The following KANK1 variants were observed in gnomAD, a reference collection of about 807,000 sequenced individuals.
KANK1 encodes KN motif and ankyrin repeat domains 1.
KANK1 carries 109 observed loss-of-function variants against 106.2 expected under a neutral mutation model. That is an observed-to-expected ratio of 1.03 (90% CI 0.88 to 1.20). The LOEUF (loss-of-function observed/expected upper bound fraction) is 1.20, where lower values mean the gene tolerates loss of function less well. Among genes scored for constraint, KANK1 ranks in the 50% most tolerant of loss-of-function variants. KANK1 has a pLI of 0.00. For missense variants in KANK1, 2,399 were observed against 1,710.7 expected (o/e 1.40, Z -7.10); for synonymous variants, 873 against 652.2 (o/e 1.34, Z -5.16).
At chr9:517,220 C>T (rs2059322903) in intron 1 of KANK1, among the ~76,000 whole-genome samples, 1 of 151,782 alleles carries the variant, frequency 6.6e-6, no homozygotes, top group African/African-American at 2.4e-5. Flanking sequence ...TCTCCTGCCT[C>T]AGCCTCCCAA....
chr9:507,588 C>G (rs2058822298), intron 1 of KANK1, among the ~76,000 whole-genome samples: 1 of 142,322 alleles, frequency 7.0e-6, no homozygotes, highest in African/African-American at 2.7e-5. Flanking sequence ...GATGGAGTCT[C>G]GATCTGTTGC....
At chr9:613,703 A>G (rs1831118441) in intron 1 of KANK1, among the ~76,000 whole-genome samples, 1 of 152,194 alleles carries the variant, frequency 6.6e-6, no homozygotes, top group South Asian at 2.1e-4. Flanking sequence ...TAAATTAAGT[A>G]GTATTTCAAA....
In KANK1 at chr9:684,404, A is replaced by G. The variant is rs187651284; in HGVS notation, c.37+7395A>G. Reference sequence around the variant, plus strand: ...CTTTATAGGTGCCAACAAGAAAGAAAGAAAAAAACACATACAAAATAAACA... The same window carrying G: ...CTTTATAGGTGCCAACAAGAAAGAAGGAAAAAAACACATACAAAATAAACA... On this transcript the variant is annotated intron_variant, in intron 2 of 11. Coordinates refer to ENST00000382297, the MANE Select transcript of KANK1 (RefSeq NM_015158.5). 8.2e-5 allele frequency: 81 copies of G among 985,416 alleles called. No homozygotes were observed. In the African/African-American group the frequency reaches 1.2e-3, roughly 14 times the overall value. 61.0% of individuals were successfully genotyped at this position (985,416 alleles called of 1,614,324 possible).
chr9:633,720 A>G (rs1314465530), intron 1 of KANK1, among the ~76,000 whole-genome samples: 1 of 152,168 alleles, frequency 6.6e-6, no homozygotes, highest in Non-Finnish European at 1.5e-5. Flanking sequence ...TGGCATGTTC[A>G]TAGCTCATTG....
chr9:581,839 C>T (rs565526379), intron 1 of KANK1, among the ~76,000 whole-genome samples: 2 of 152,250 alleles, frequency 1.3e-5, no homozygotes, highest in Admixed American at 6.5e-5. Flanking sequence ...GCTTTGTCAG[C>T]ATCCAGCCAT....
At chr9:582,124 C>T (rs1478336294) in intron 1 of KANK1, among the ~76,000 whole-genome samples, 3 of 152,202 alleles carry the variant, frequency 2.0e-5, no homozygotes, top group Non-Finnish European at 4.4e-5. Flanking sequence ...AGAGGCGCTG[C>T]TTCTCTGTGG....
At chr9:716,377 C>G (rs899053513) in intron 3 of KANK1, among the ~76,000 whole-genome samples, 46 of 152,168 alleles carry the variant, frequency 3.0e-4, no homozygotes, top group African/African-American at 1.1e-3. Flanking sequence ...AAATGTAGAT[C>G]TAGAACAAAT....
intron 1 of KANK1, among the ~76,000 whole-genome samples, chr9:588,796 C>T (rs554717252): frequency 4.6e-5 from 7 of 152,050 alleles, no homozygotes; most frequent in Admixed American, 1.3e-4. Context: ...TCAATTTCCC[C>T]GTAAGTAAAA....
At chr9:723,309 A>G (rs1353358232) in intron 3 of KANK1, among the ~76,000 whole-genome samples, 1 of 152,114 alleles carries the variant, frequency 6.6e-6, no homozygotes, top group African/African-American at 2.4e-5. Flanking sequence ...TGGTGAGAAA[A>G]ATTATAGCAC....
chr9:499,938 G>A (rs531255369), upstream of KANK1, among the ~76,000 whole-genome samples: 1 of 152,326 alleles, frequency 6.6e-6, no homozygotes, highest in Non-Finnish European at 1.5e-5. Context: ...TGAAGAAGTG[G>A]TGAAGAGGAT....
intron 1 of KANK1, among the ~76,000 whole-genome samples, chr9:517,030 C>T (rs1426247302): frequency 2.6e-5 from 4 of 151,012 alleles, no homozygotes; most frequent in East Asian, 3.9e-4. Flanking sequence ...CACACACATC[C>T]GTCTTGTGTT....
intron 10 of KANK1, among the ~76,000 whole-genome samples, chr9:742,610 C>G (rs1176047225): frequency 1.3e-5 from 2 of 152,124 alleles, no homozygotes; most frequent in East Asian, 3.8e-4. Flanking sequence ...AACTAGTACC[C>G]AAAGCAGAAT....
rs370153674 is a variant in KANK1 at position 745,142 on chromosome 9, C to T, written c.3997-31C>T. On this transcript the variant is annotated intron_variant, in intron 11 of 11. Coordinates refer to ENST00000382297, the MANE Select transcript of KANK1 (RefSeq NM_015158.5). Reference sequence around the variant, plus strand: ...ACATCTGCCTGAGGTCACTTATTAACCCCCAGTTTTTTTCCTTTCCTGGTC... The same window carrying T: ...ACATCTGCCTGAGGTCACTTATTAATCCCCAGTTTTTTTCCTTTCCTGGTC... 9.9e-6 allele frequency: 16 copies of T among 1,611,156 alleles called. No homozygotes were observed. In the African/African-American group the frequency reaches 1.9e-4, roughly 19 times the overall value.
At chr9:582,258 G>T (rs1223222903) in intron 1 of KANK1, among the ~76,000 whole-genome samples, 1 of 152,072 alleles carries the variant, frequency 6.6e-6, no homozygotes, top group Non-Finnish European at 1.5e-5. Flanking sequence ...GGCTTTACCT[G>T]CCCCAAATTG....
intron 1 of KANK1, among the ~76,000 whole-genome samples, chr9:589,634 C>T (rs145738934): frequency 1.6e-3 from 244 of 151,952 alleles, no homozygotes; most frequent in African/African-American, 5.3e-3. Flanking sequence ...TGAAGGAATG[C>T]GTCCCCTGAG....
At position 713,352 on chromosome 9, in the gene KANK1, C is replaced by G; in HGVS notation, c.2586C>G (p.Leu862=). 1 of 1,614,196 alleles carries G rather than the reference C, an allele frequency of 6.2e-7. No individual in the cohort carries two copies. The highest frequency in any genetic ancestry group is 8.5e-7 in the Non-Finnish European group (1 of 1,180,038). The change falls in exon 3 of 12, where the codon CTC becomes CTG. Residue 862 remains leucine (L), a synonymous_variant. Transcript: ENST00000382297. ...FGEPHSQMGS[L]NSQLISTLSS... ...AACCTCACTCACAGATGGGCTCCCT[C>G]AACTCTCAGCTCATCAGCACCCTGT...
intron 10 of KANK1, among the ~76,000 whole-genome samples, chr9:743,355 G>A (rs764150111): frequency 5.9e-5 from 9 of 152,222 alleles, no homozygotes; most frequent in Non-Finnish European, 1.0e-4. Flanking sequence ...GGAGCACATG[G>A]AAGCTGCAGC....
At chr9:591,403 A>C (rs898744867) in intron 1 of KANK1, among the ~76,000 whole-genome samples, 1 of 151,788 alleles carries the variant, frequency 6.6e-6, no homozygotes. Context: ...ACATCTTGGC[A>C]TACCCCTGCC....
chr9:579,955 T>C (rs1306519646), intron 1 of KANK1, among the ~76,000 whole-genome samples: 1 of 152,168 alleles, frequency 6.6e-6, no homozygotes, highest in African/African-American at 2.4e-5. Flanking sequence ...ATCTGCTGTC[T>C]CCAGTGATGC....
Sources: gnomAD v4.1 joint callset for allele counts (sites outside exome capture counted in the v4.1 genomes callset) on GRCh38, gnomAD v4.1.1 for gene constraint, MANE v1.5 for transcripts, NCBI Gene and HGNC (gene_info 2026-07-23, HGNC 2026-07-21) for gene names.